The following RANBP2 variants were observed in gnomAD, a reference collection of about 807,000 sequenced individuals.
RANBP2 encodes the protein RAN binding protein 2, also known as E3 SUMO-protein ligase RanBP2.
A neutral mutation model predicts 303.6 loss-of-function variants in RANBP2; 57 were observed. That is an observed-to-expected ratio of 0.19 (90% CI 0.15 to 0.23). The LOEUF is 0.23. RANBP2 is among the 10% of genes least tolerant of loss of function. The pLI is 1.00. For missense variants in RANBP2, 3,138 were observed against 3,780.8 expected, an observed-to-expected ratio of 0.83 and a Z score of 4.46; for synonymous variants, 1,167 against 1,301.5, an observed-to-expected ratio of 0.90 and a Z score of 2.23.
At chr2:108,816,179 A>G in the RANBP2 span, 80 of 1,107,404 alleles carry the variant, frequency 7.2e-5, no homozygotes, top group Admixed American at 3.8e-4. Context: ...GGCCAGGCAC[A>G]GTGGCTCACG....
the RANBP2 span, among the ~76,000 whole-genome samples, chr2:109,609,333 AC>A: frequency 2.9e-5 from 4 of 138,548 alleles, no homozygotes; most frequent in African/African-American, 5.3e-5. Flanking sequence ...TATGGAGGAT[AC>A]AAAGAATAAT....
the RANBP2 span, chr2:108,896,678 G>T: frequency 1.8e-6 from 1 of 566,200 alleles, no homozygotes; most frequent in Non-Finnish European, 3.2e-6. Flanking sequence ...TATTTACTCT[G>T]CCTGGTGAGG....
chr2:109,701,637 G>T, the RANBP2 span, among the ~76,000 whole-genome samples: 2 of 152,158 alleles, frequency 1.3e-5, no homozygotes, highest in Admixed American at 1.3e-4. Flanking sequence ...TCTCGGGTGA[G>T]CCTTAAAGGG....
At chr2:109,066,054 C>T in the RANBP2 span, among the ~76,000 whole-genome samples, 1 of 152,186 alleles carries the variant, frequency 6.6e-6, no homozygotes, top group Non-Finnish European at 1.5e-5. Flanking sequence ...TCTCCTGCCT[C>T]GGCCTCCCGA....
chr2:108,812,923 A>G, the RANBP2 span: 5 of 1,613,544 alleles, frequency 3.1e-6, no homozygotes, highest in East Asian at 6.7e-5. Context: ...TCAAAAACTT[A>G]CAAGGTAAGT....
At chr2:108,738,297 G>C (rs906228187) in intron 6 of RANBP2, among the ~76,000 whole-genome samples, 1 of 151,432 alleles carries the variant, frequency 6.6e-6, no homozygotes, top group Non-Finnish European at 1.5e-5. Flanking sequence ...GGATGGTCTT[G>C]ATCTCCTGAC....
the RANBP2 span, among the ~76,000 whole-genome samples, chr2:108,973,051 A>G: frequency 2.2e-4 from 33 of 152,132 alleles, no homozygotes; most frequent in Middle Eastern, 3.4e-3. Flanking sequence ...CAGTGGCGCA[A>G]TTTCAGCTCA....
the RANBP2 span, among the ~76,000 whole-genome samples, chr2:109,457,386 G>A: frequency 2.0e-5 from 3 of 152,296 alleles, no homozygotes; most frequent in Non-Finnish European, 4.4e-5. Context: ...GGTTTCAACT[G>A]CAAAGCATTA....
At chr2:108,786,978 C>T (rs1378563645), downstream of RANBP2, 1 of 1,166,126 alleles carries the variant, frequency 8.6e-7, no homozygotes, top group South Asian at 2.0e-5. Context: ...CCGCTCCGTG[C>T]CCCGCGCAGC....
chr2:108,880,595 T>C, the RANBP2 span, among the ~76,000 whole-genome samples: 1 of 152,208 alleles, frequency 6.6e-6, no homozygotes, highest in African/African-American at 2.4e-5. Context: ...AATGCTCATT[T>C]GCCATTCTGT....
chr2:109,120,817 C>T, the RANBP2 span, among the ~76,000 whole-genome samples: 12 of 152,138 alleles, frequency 7.9e-5, no homozygotes, highest in African/African-American at 2.9e-4. Flanking sequence ...ACCTACTTCC[C>T]TCACATGTCC....
At chr2:109,629,030 T>A in the RANBP2 span, among the ~76,000 whole-genome samples, 1 of 151,394 alleles carries the variant, frequency 6.6e-6, no homozygotes, top group African/African-American at 2.4e-5. Flanking sequence ...TGGTAAAACC[T>A]CGTCTCTACT....
chr2:109,283,654 A>G, the RANBP2 span, among the ~76,000 whole-genome samples: 2 of 152,306 alleles, frequency 1.3e-5, no homozygotes, highest in Admixed American at 6.5e-5. Flanking sequence ...TTCAGTGCAC[A>G]TGGGGACCTG....
At chr2:108,921,869 ACTGT>A in the RANBP2 span, among the ~76,000 whole-genome samples, 1 of 152,254 alleles carries the variant, frequency 6.6e-6, no homozygotes, top group Admixed American at 6.5e-5. Context: ...ACACAGCAGG[ACTGT>A]CTATTTCTCT....
the RANBP2 span, chr2:108,911,189 C>T: frequency 1.5e-6 from 2 of 1,305,968 alleles, no homozygotes; most frequent in Non-Finnish European, 1.1e-6. Context: ...TCAGGGAACC[C>T]TGAAATCTGA....
At chr2:109,083,633 CG>C in the RANBP2 span, among the ~76,000 whole-genome samples, 8 of 152,160 alleles carry the variant, frequency 5.3e-5, no homozygotes, top group African/African-American at 1.9e-4. Flanking sequence ...AAATATCTCT[CG>C]GGGACTCTGC....
At chr2:109,360,328 G>A in the RANBP2 span, among the ~76,000 whole-genome samples, 1,040 of 152,290 alleles carry the variant, frequency 6.8e-3, 6 homozygotes, top group Middle Eastern at 0.041. Context: ...TAAATCCAGA[G>A]TCAGAAGTGA....
the RANBP2 span, among the ~76,000 whole-genome samples, chr2:108,979,497 ACACG>A: frequency 3.4e-5 from 5 of 147,918 alleles, no homozygotes; most frequent in East Asian, 2.3e-4. Context: ...ACACACACAC[ACACG>A]CATGGCACAC....
chr2:108,762,774 T>G (rs1027795911), intron 19 of RANBP2, among the ~76,000 whole-genome samples: 2 of 151,298 alleles, frequency 1.3e-5, no homozygotes, highest in Non-Finnish European at 2.9e-5. Context: ...AGCTGGCACA[T>G]TAATAAATGC....
Sources: allele counts gnomAD v4.1 joint callset (sites outside exome capture counted in the v4.1 genomes callset), GRCh38; gene constraint gnomAD v4.1.1; transcripts MANE v1.5; gene names NCBI Gene and HGNC (gene_info 2026-07-23, HGNC 2026-07-21).